Variants in SRP54 observed in about 807,000 individuals in gnomAD.
SRP54 encodes signal recognition particle subunit SRP54.
SRP54 carries 10 observed loss-of-function variants against 64.8 expected under a neutral mutation model. That is an observed-to-expected ratio of 0.15 (90% CI 0.10 to 0.26). SRP54 has a LOEUF of 0.26. Among genes scored for constraint, SRP54 ranks in the 10% least tolerant of loss-of-function variants. The pLI is 1.00. For missense variants in SRP54, 325 were observed against 613.7 expected (o/e 0.53, Z 4.97); for synonymous variants, 193 against 185.6 (o/e 1.04, Z -0.32).
intron 8 of SRP54, among the ~76,000 whole-genome samples, chr14:35,013,093 G>A (rs2044381839): frequency 6.6e-6 from 1 of 151,776 alleles, no homozygotes; most frequent in Non-Finnish European, 1.5e-5. Context: ...ACAGGCACTC[G>A]CCACCATGCC....
chr14:35,009,644 C>T (rs2044323658), intron 7 of SRP54, among the ~76,000 whole-genome samples: 1 of 152,062 alleles, frequency 6.6e-6, no homozygotes, highest in South Asian at 2.1e-4. Flanking sequence ...CCATTTGTTC[C>T]AAATTCAGCT....
intron 14 of SRP54, 112 bp from the exon 15 acceptor site, chr14:35,027,976 T>C (rs950351878): frequency 7.6e-6 from 4 of 527,590 alleles, no homozygotes; most frequent in Non-Finnish European, 1.3e-5. Flanking sequence ...GATAGGATTA[T>C]GTAATTTTTT....
At chr14:34,984,757 C>T (rs1181730934) in intron 1 of SRP54, among the ~76,000 whole-genome samples, 1 of 152,144 alleles carries the variant, frequency 6.6e-6, no homozygotes, top group Non-Finnish European at 1.5e-5. Context: ...CTGCTTCGGC[C>T]TCCCAAAGTG....
intron 14 of SRP54, among the ~76,000 whole-genome samples, chr14:35,026,653 G>C (rs1268044491): frequency 6.6e-6 from 1 of 152,172 alleles, no homozygotes; most frequent in African/African-American, 2.4e-5. Context: ...ATTACTTAAA[G>C]AAAACTTCTG....
At chr14:34,992,145 C>T (rs1022570558) in intron 1 of SRP54, among the ~76,000 whole-genome samples, 11 of 152,184 alleles carry the variant, frequency 7.2e-5, no homozygotes, top group African/African-American at 2.7e-4. Flanking sequence ...GTTGACCAGG[C>T]TGGCCTTGAA....
rs1555354851 is a variant in SRP54, at chr14:35,014,290, T to TTTG, written c.886+390_886+391insGTT. Among the ~76,000 whole-genome samples, 27 of 127,316 alleles carry TTTG rather than the reference T, an allele frequency of 2.1e-4. 1 individual carries two copies. Among genetic ancestry groups the TTTG allele is most frequent in the African/African-American group, 2.9e-4 (10 of 34,362 alleles). The allele number at this position is 127,316 out of a possible 152,430, so 83.5% of individuals were successfully genotyped here. The stretch of plus-strand genomic sequence containing the variant: ...TGCCACTTAACTTTTTTTTTTTTTT[T>TTTG]TTTTGAGACGGAGTTTCGCTCTTGT... On this transcript the variant is annotated intron_variant, in intron 10 of 15. Coordinates refer to ENST00000216774, the MANE Select transcript of SRP54 (RefSeq NM_003136.4).
At chr14:34,995,175 GT>G (rs1566643649) in intron 1 of SRP54, among the ~76,000 whole-genome samples, 4 of 122,892 alleles carry the variant, frequency 3.3e-5, no homozygotes, top group Non-Finnish European at 6.0e-5. Flanking sequence ...GTGTGTGTGT[GT>G]GTGTGTGTGT....
intron 10 of SRP54, among the ~76,000 whole-genome samples, chr14:35,014,277 T>C (rs1319858200): frequency 8.3e-6 from 1 of 120,870 alleles, no homozygotes; most frequent in African/African-American, 3.2e-5. Context: ...CCACTTAACT[T>C]TTTTTTTTTT....
At chr14:35,012,942 T>TG (rs35066046) in intron 8 of SRP54, among the ~76,000 whole-genome samples, 1 of 25,928 alleles carries the variant, frequency 3.9e-5, no homozygotes, top group Non-Finnish European at 1.2e-4. Flanking sequence ...AATGTTGTAG[T>TG]TTTTTTTTTT....
chr14:35,011,554 G>T lies in SRP54; in HGVS notation c.531G>T (p.Glu177Asp), dbSNP rs201104736. Reference protein sequence around the residue: ...DPVIIASEGVEKFKNENFEII... With the variant: ...DPVIIASEGVDKFKNENFEII... The stretch of plus-strand genomic sequence containing the variant: ...TCATCATTGCTTCTGAAGGAGTAGA[G>T]AAATTTAAAAATGAAAATTTTGAAA... Residue 177 changes from glutamate to aspartate, a missense_variant, in exon 8 of 16, where the codon GAG (glutamate) becomes GAT (aspartate). Coordinates refer to ENST00000216774, the MANE Select transcript of SRP54 (RefSeq NM_003136.4). 171 of 1,584,616 alleles carry T rather than the reference G, an allele frequency of 1.1e-4. No individual in the cohort carries two copies. Among genetic ancestry groups the T allele is most frequent in the Non-Finnish European group, 1.4e-4 (160 of 1,161,340 alleles).
intron 3 of SRP54, 55 bp from the exon 4 acceptor site, chr14:35,000,881 A>G: frequency 2.2e-6 from 2 of 922,952 alleles, no homozygotes; most frequent in Non-Finnish European, 3.2e-6. Context: ...TTTTTCTTAG[A>G]GTTTCTTAAC....
intron 13 of SRP54, among the ~76,000 whole-genome samples, chr14:35,020,012 G>A (rs767624563): frequency 6.6e-6 from 1 of 151,904 alleles, no homozygotes; most frequent in Non-Finnish European, 1.5e-5. Flanking sequence ...GTAAAACCCC[G>A]TTTCTACTAA....
intron 1 of SRP54, among the ~76,000 whole-genome samples, chr14:34,993,772 C>T (rs1176493048): frequency 6.7e-6 from 1 of 149,708 alleles, no homozygotes; most frequent in Non-Finnish European, 1.5e-5. Flanking sequence ...TCCAGCTCAC[C>T]GCAATCTCCA....
At chr14:34,988,578 A>AAAAAAAAAAAT (rs1384552218) in intron 1 of SRP54, among the ~76,000 whole-genome samples, 1 of 47,100 alleles carries the variant, frequency 2.1e-5, no homozygotes, top group African/African-American at 6.7e-5. Context: ...AAAAAAAAAA[A>AAAAAAAAAAAT]ATATATATAT....
intron 4 of SRP54, among the ~76,000 whole-genome samples, chr14:35,001,407 T>TC (rs1352524930): frequency 6.6e-6 from 1 of 152,258 alleles, no homozygotes; most frequent in African/African-American, 2.4e-5. Context: ...CGCTTCGGCC[T>TC]CCCAAAGTGC....
intron 1 of SRP54, among the ~76,000 whole-genome samples, chr14:34,994,932 CTT>C (rs59058538): frequency 0.2 from 16,499 of 83,944 alleles, 1,702 homozygotes; most frequent in Non-Finnish European, 0.23. Flanking sequence ...TGCCTGGCTA[CTT>C]TTTTTTTTTT....
chr14:34,998,082 C>T (rs929408896), intron 2 of SRP54, among the ~76,000 whole-genome samples: 6 of 151,830 alleles, frequency 4.0e-5, no homozygotes, highest in Non-Finnish European at 5.9e-5. Flanking sequence ...AAGATCAGTT[C>T]GAATTTTAGC....
At chr14:35,021,802 G>A (rs1343367257) in intron 13 of SRP54, among the ~76,000 whole-genome samples, 3 of 152,144 alleles carry the variant, frequency 2.0e-5, no homozygotes, top group African/African-American at 7.2e-5. Context: ...TAGATAGCAG[G>A]TCATCTCTCC....
intron 3 of SRP54, among the ~76,000 whole-genome samples, chr14:35,000,075 A>G (rs1246379801): frequency 6.6e-6 from 1 of 152,160 alleles, no homozygotes; most frequent in Admixed American, 6.5e-5. Flanking sequence ...TCTCTGTTTC[A>G]TATTTGAATG....
Sources: allele counts gnomAD v4.1 joint callset (sites outside exome capture counted in the v4.1 genomes callset), GRCh38; gene constraint gnomAD v4.1.1; transcripts MANE v1.5; gene names NCBI Gene and HGNC (gene_info 2026-07-23, HGNC 2026-07-21).